The following LSAMP variants were observed in gnomAD, a reference collection of about 807,000 sequenced individuals.
The protein encoded by LSAMP is limbic system associated membrane protein, also known as limbic system-associated membrane protein.
A neutral mutation model predicts 38.6 loss-of-function variants in LSAMP; 7 were observed. The observed-to-expected ratio is 0.18, with a 90% CI of 0.10 to 0.34. The LOEUF is 0.34. Among genes scored for constraint, LSAMP ranks in the 10% least tolerant of loss-of-function variants. The pLI, the probability that LSAMP is intolerant of heterozygous loss-of-function variation, is 1.00. For missense variants in LSAMP, 313 were observed against 420.0 expected, an observed-to-expected ratio of 0.75 and a Z score of 2.23; for synonymous variants, 154 against 166.8, an observed-to-expected ratio of 0.92 and a Z score of 0.59.
intron 3 of LSAMP, among the ~76,000 whole-genome samples, chr3:115,988,848 T>G (rs1939586254): frequency 6.6e-6 from 1 of 152,120 alleles, no homozygotes; most frequent in Non-Finnish European, 1.5e-5. Flanking sequence ...TTCATCAACA[T>G]TATCTATTTT....
intron 3 of LSAMP, among the ~76,000 whole-genome samples, chr3:115,876,143 TG>T (rs2107413293): frequency 6.6e-6 from 1 of 152,100 alleles, no homozygotes; most frequent in Non-Finnish European, 1.5e-5. Flanking sequence ...ACACCCTTAC[TG>T]ATTCAGATAT....
intron 1 of LSAMP, among the ~76,000 whole-genome samples, chr3:116,130,392 A>G (rs942957691): frequency 5.9e-5 from 9 of 152,252 alleles, no homozygotes; most frequent in African/African-American, 2.2e-4. Flanking sequence ...TAGGTACAAA[A>G]GTAGGTAGCC....
intron 3 of LSAMP, among the ~76,000 whole-genome samples, chr3:115,969,177 A>G (rs895330689): frequency 1.6e-4 from 25 of 152,202 alleles, no homozygotes; most frequent in Admixed American, 1.3e-4. Flanking sequence ...GTTCTTATAA[A>G]GGTGCTTTCA....
chr3:116,402,451 C>CA (rs1164651315), intron 1 of LSAMP, among the ~76,000 whole-genome samples: 1 of 152,002 alleles, frequency 6.6e-6, no homozygotes, highest in African/African-American at 2.4e-5. Context: ...TCTCAATCAC[C>CA]AACAGTAAGA....
intron 4 of LSAMP, 68 bp from the exon 5 acceptor site, chr3:115,842,646 A>G (rs369214742): frequency 6.3e-7 from 1 of 1,586,704 alleles, no homozygotes. Context: ...TTCAGGAAGG[A>G]ATGAAGAAGG....
At chr3:116,216,680 GA>G (rs538406959) in intron 1 of LSAMP, among the ~76,000 whole-genome samples, 27 of 151,832 alleles carry the variant, frequency 1.8e-4, no homozygotes, top group African/African-American at 6.3e-4. Context: ...TGTGAATAGT[GA>G]AAAAAAATCA....
intron 1 of LSAMP, among the ~76,000 whole-genome samples, chr3:116,315,122 C>A (rs1359450781): frequency 6.6e-6 from 1 of 152,180 alleles, no homozygotes; most frequent in African/African-American, 2.4e-5. Context: ...CACTTCCAGG[C>A]TTTGTAGCCT....
chr3:116,065,983 G>A (rs1239139243), intron 2 of LSAMP, among the ~76,000 whole-genome samples: 1 of 152,188 alleles, frequency 6.6e-6, no homozygotes, highest in East Asian at 1.9e-4. Flanking sequence ...ATGAATATGA[G>A]TGTTTGGAAC....
intron 2 of LSAMP, among the ~76,000 whole-genome samples, chr3:116,054,508 C>G (rs528012912): frequency 9.9e-5 from 15 of 152,112 alleles, no homozygotes; most frequent in Non-Finnish European, 2.1e-4. Context: ...CAGACATCTT[C>G]TAGGTTTCAG....
intron 1 of LSAMP, among the ~76,000 whole-genome samples, chr3:116,102,370 G>T (rs1708367038): frequency 6.6e-6 from 1 of 152,102 alleles, no homozygotes; most frequent in African/African-American, 2.4e-5. Context: ...TTAAGCAAAA[G>T]AAAAAACTTA....
chr3:116,294,387 T>G (rs2047303079), intron 1 of LSAMP, among the ~76,000 whole-genome samples: 1 of 152,224 alleles, frequency 6.6e-6, no homozygotes, highest in Non-Finnish European at 1.5e-5. Flanking sequence ...CTAAAGGATT[T>G]GAATGTTCTA....
At chr3:115,873,971 T>C (rs79199071) in intron 3 of LSAMP, among the ~76,000 whole-genome samples, 1,921 of 152,260 alleles carry the variant, frequency 0.013, 31 homozygotes, top group African/African-American at 0.044. Flanking sequence ...TACTACCCAT[T>C]TGCAGGATGC....
chr3:115,932,826 T>C (rs1218549385), intron 3 of LSAMP, among the ~76,000 whole-genome samples: 1 of 152,198 alleles, frequency 6.6e-6, no homozygotes, highest in Non-Finnish European at 1.5e-5. Context: ...TTCCTAATGA[T>C]GTTCAAGTAA....
intron 2 of LSAMP, among the ~76,000 whole-genome samples, chr3:116,079,821 A>AAT (rs1213700626): frequency 1.3e-5 from 2 of 152,046 alleles, no homozygotes; most frequent in Middle Eastern, 3.4e-3. Context: ...CTATATATTA[A>AAT]ATATATATAT....
chr3:115,823,955 C>G (rs942859025), intron 6 of LSAMP, among the ~76,000 whole-genome samples: 2 of 152,200 alleles, frequency 1.3e-5, no homozygotes, highest in African/African-American at 4.8e-5. Context: ...CCATTATGGG[C>G]TTTGCTCAAT....
At chr3:116,045,647 T>G (rs1941274988) in intron 2 of LSAMP, among the ~76,000 whole-genome samples, 1 of 151,310 alleles carries the variant, frequency 6.6e-6, no homozygotes. Flanking sequence ...TTATAAAAAG[T>G]GAGAATTCTT....
chr3:115,823,757 G>C (rs1481974038), intron 6 of LSAMP, among the ~76,000 whole-genome samples: 1 of 152,076 alleles, frequency 6.6e-6, no homozygotes, highest in East Asian at 1.9e-4. Flanking sequence ...TTTTCAGCTG[G>C]GAGATACCAT....
chr3:116,122,598 TTGTC>T (rs753765501), intron 1 of LSAMP, among the ~76,000 whole-genome samples: 34 of 152,360 alleles, frequency 2.2e-4, no homozygotes, highest in Middle Eastern at 3.4e-3. Flanking sequence ...AGTGTGAAGA[TTGTC>T]TGTCTAACTC....
rs1335528509 is a variant in LSAMP at position 116,181,326 on chromosome 3, C to T, written c.156-94770G>A. ...TTTGATCCTTCCTTCTCTAGAGTTA[C>T]ACTAACATAGTAACAAAGGGCAGAT... On this transcript the variant is annotated intron_variant, in intron 1 of 6. Transcript: ENST00000490035. Among the ~76,000 whole-genome samples, 14 of 151,888 alleles carry T rather than the reference C, an allele frequency of 9.2e-5. No individual in the cohort carries two copies. The East Asian group carries it at 9.7e-4, about 10-fold the overall frequency.
Sources: gnomAD v4.1 joint callset for allele counts (sites outside exome capture counted in the v4.1 genomes callset) on GRCh38, gnomAD v4.1.1 for gene constraint, MANE v1.5 for transcripts, NCBI Gene and HGNC (gene_info 2026-07-23, HGNC 2026-07-21) for gene names.